THSD7B: variants seen among roughly 807,000 people sequenced by gnomAD.
THSD7B encodes the protein thrombospondin type 1 domain containing 7B, also known as thrombospondin type-1 domain-containing protein 7B.
Under a neutral mutation model 213.6 loss-of-function variants are expected in THSD7B, and 138 were observed. That is an observed-to-expected ratio of 0.65 (90% confidence interval 0.56 to 0.74). The LOEUF (loss-of-function observed/expected upper bound fraction) is 0.74, where lower values mean the gene tolerates loss of function less well. THSD7B is among the 30% of genes least tolerant of loss of function. The pLI is 0.00. For synonymous variants in THSD7B, 742 were observed against 687.0 expected, an observed-to-expected ratio of 1.08 and a Z score of -1.25; for missense variants, 1,931 against 1,991.5, an observed-to-expected ratio of 0.97 and a Z score of 0.58.
intron 26 of THSD7B, among the ~76,000 whole-genome samples, chr2:137,667,062 G>A (rs1267534338): frequency 2.0e-5 from 3 of 152,016 alleles, no homozygotes; most frequent in Non-Finnish European, 4.4e-5. Context: ...TTCTTTCCAT[G>A]CAAGGTTGTC....
chr2:137,123,595 T>C (rs1374176659), intron 5 of THSD7B, among the ~76,000 whole-genome samples: 1 of 152,206 alleles, frequency 6.6e-6, no homozygotes, highest in Non-Finnish European at 1.5e-5. Flanking sequence ...ATTCTCATTG[T>C]AGGTTTTGCC....
intron 15 of THSD7B, among the ~76,000 whole-genome samples, chr2:137,472,032 T>C (rs1688103538): frequency 6.6e-6 from 1 of 152,188 alleles, no homozygotes; most frequent in South Asian, 2.1e-4. Context: ...TGGAAATTAT[T>C]TTACCCATTT....
At chr2:136,799,516 C>T (rs1260789864) in intron 1 of THSD7B, among the ~76,000 whole-genome samples, 1 of 151,884 alleles carries the variant, frequency 6.6e-6, no homozygotes, top group Admixed American at 6.6e-5. Flanking sequence ...CAGGTCAGTT[C>T]GGGTCAGCTA....
intron 2 of THSD7B, among the ~76,000 whole-genome samples, chr2:136,925,874 A>T (rs1020447533): frequency 1.3e-5 from 2 of 152,168 alleles, no homozygotes; most frequent in African/African-American, 4.8e-5. Context: ...AAATTAATTT[A>T]GTGACATAAT....
chr2:136,902,590 G>C, intron 2 of THSD7B, among the ~76,000 whole-genome samples: 1 of 152,208 alleles, frequency 6.6e-6, no homozygotes, highest in East Asian at 1.9e-4. Flanking sequence ...TAGGGGTCCA[G>C]AGCCTGCCAT....
At chr2:137,121,521 A>T (rs1688546808) in intron 5 of THSD7B, among the ~76,000 whole-genome samples, 1 of 152,170 alleles carries the variant, frequency 6.6e-6, no homozygotes, top group African/African-American at 2.4e-5. Context: ...GAGAAGGGAG[A>T]TTATGAATGA....
At chr2:137,323,369 T>A (rs2104882115) in intron 12 of THSD7B, among the ~76,000 whole-genome samples, 1 of 152,286 alleles carries the variant, frequency 6.6e-6, no homozygotes, top group Non-Finnish European at 1.5e-5. Context: ...ATGAGAAGCT[T>A]GATATTCATA....
chr2:137,451,947 C>T (rs1209715610), intron 15 of THSD7B: 2 of 385,226 alleles, frequency 5.2e-6, no homozygotes, highest in Non-Finnish European at 7.1e-6. Context: ...GAATTTCTAT[C>T]CTCTCAATTC....
Position 137,263,501 on chromosome 2 carries a change from T to G in THSD7B, c.2267-9032T>G, listed in dbSNP as rs149958144. Among the ~76,000 whole-genome samples, 1,317 of 152,194 alleles carry G rather than the reference T, an allele frequency of 8.7e-3. 20 individuals are homozygous for G. The highest frequency in any genetic ancestry group is 0.03 in the African/African-American group (1,242 of 41,528). On this transcript the variant is annotated intron_variant, in intron 10 of 27. Transcript: ENST00000409968. ...CCTGAAGGTCTTGTCTGTTGCCAGA[T>G]CCATTGAATTTGGCTTCTGTTGCAA...
intron 16 of THSD7B, among the ~76,000 whole-genome samples, chr2:137,569,475 G>T (rs892819227): frequency 2.6e-5 from 4 of 152,180 alleles, no homozygotes; most frequent in African/African-American, 9.6e-5. Context: ...AGGGGGAGGG[G>T]ATGGGCAATC....
chr2:136,786,332 G>T (rs1343518129), intron 1 of THSD7B, among the ~76,000 whole-genome samples: 1 of 152,012 alleles, frequency 6.6e-6, no homozygotes, highest in South Asian at 2.1e-4. Context: ...TTTCCCAGTT[G>T]TCACCAAAAT....
intron 1 of THSD7B, among the ~76,000 whole-genome samples, chr2:136,875,174 C>G (rs1405466599): frequency 6.6e-6 from 1 of 152,200 alleles, no homozygotes; most frequent in Non-Finnish European, 1.5e-5. Flanking sequence ...GTGATCCCAG[C>G]ACATTGGGAG....
intron 26 of THSD7B, among the ~76,000 whole-genome samples, chr2:137,667,014 T>C (rs1357459440): frequency 6.6e-6 from 1 of 152,138 alleles, no homozygotes; most frequent in Non-Finnish European, 1.5e-5. Context: ...CCTAGCATCA[T>C]TTTGGAAGTA....
At chr2:137,068,254 T>C (rs1446172117) in intron 3 of THSD7B, among the ~76,000 whole-genome samples, 2 of 152,220 alleles carry the variant, frequency 1.3e-5, no homozygotes, top group African/African-American at 4.8e-5. Context: ...GAAGTCACCA[T>C]TATCTCTTCT....
chr2:137,327,400 A>G (rs901876377), intron 12 of THSD7B, among the ~76,000 whole-genome samples: 1 of 152,230 alleles, frequency 6.6e-6, no homozygotes, highest in East Asian at 1.9e-4. Flanking sequence ...ATCAAGGAGT[A>G]GAAATTCAGT....
intron 12 of THSD7B, among the ~76,000 whole-genome samples, chr2:137,288,325 A>G (rs191790671): frequency 1.2e-4 from 18 of 152,134 alleles, no homozygotes; most frequent in African/African-American, 3.6e-4. Context: ...AAAAACAATA[A>G]AAAACAAATC....
intron 7 of THSD7B, among the ~76,000 whole-genome samples, chr2:137,189,208 A>G (rs1379885703): frequency 6.6e-6 from 1 of 152,028 alleles, no homozygotes; most frequent in Non-Finnish European, 1.5e-5. Flanking sequence ...AGCTATATAA[A>G]CCCAGGGGCA....
chr2:137,029,097 GAGAA>G (rs1261268793), intron 2 of THSD7B, among the ~76,000 whole-genome samples: 5 of 22,616 alleles, frequency 2.2e-4, no homozygotes, highest in Non-Finnish European at 4.6e-4. Flanking sequence ...TTTTTTTTTT[GAGAA>G]AGAGTCTTGC....
chr2:136,945,208 A>G (rs114269845), intron 2 of THSD7B, among the ~76,000 whole-genome samples: 2,243 of 152,276 alleles, frequency 0.015, 72 homozygotes, highest in African/African-American at 0.051. Flanking sequence ...AGAATGTTGA[A>G]TATTGGCCCC....
Sources: gnomAD v4.1 joint callset for allele counts (sites outside exome capture counted in the v4.1 genomes callset) on GRCh38, gnomAD v4.1.1 for gene constraint, MANE v1.5 for transcripts, NCBI Gene and HGNC (gene_info 2026-07-23, HGNC 2026-07-21) for gene names.